BORCS5: variants seen among roughly 807,000 people sequenced by gnomAD.
BORCS5 encodes BLOC-1 related complex subunit 5.
In BORCS5, 17 loss-of-function variants were observed where a neutral mutation model predicts 22.1. The ratio of observed to expected loss-of-function variants is 0.77; its 90% CI spans 0.53 to 1.15. BORCS5 has a LOEUF of 1.15. Ranked by LOEUF, BORCS5 falls within the 50% of genes most tolerant of loss-of-function variation. BORCS5 has a pLI of 0.00. For synonymous variants in BORCS5, 117 were observed against 99.8 expected (o/e 1.17, Z -1.03); for missense variants, 247 against 253.2 (o/e 0.98, Z 0.17).
Position 12,466,098 on chromosome 12 carries a change from G to A in BORCS5, c.*322G>A. On this transcript the variant is annotated 3_prime_UTR_variant, in exon 4 of 4. Coordinates refer to ENST00000314565, the MANE Select transcript of BORCS5 (RefSeq NM_058169.6). ...TTTTTTTTTTAATTGAGAGTATATA[G>A]TCCAGTCCAGGTACCGGAATAAAAA... 8.9e-6 allele frequency: 2 copies of A among 223,688 alleles called. No homozygotes were observed. Among genetic ancestry groups the A allele is most frequent in the South Asian group, 1.1e-4 (1 of 9,150 alleles). 13.9% of individuals were successfully genotyped at this position (223,688 alleles called of 1,614,324 possible).
chr12:12,395,803 G>T (rs974218853), intron 2 of BORCS5, among the ~76,000 whole-genome samples: 9 of 152,046 alleles, frequency 5.9e-5, no homozygotes, highest in African/African-American at 2.2e-4. Flanking sequence ...TCCTAGTGAT[G>T]AGCTGATGAA....
At chr12:12,399,574 G>T (rs1413982774) in intron 2 of BORCS5, among the ~76,000 whole-genome samples, 1 of 152,146 alleles carries the variant, frequency 6.6e-6, no homozygotes, top group Non-Finnish European at 1.5e-5. Flanking sequence ...GATTTTACAT[G>T]GCATTGTTAA....
chr12:12,365,493 A>C (rs1863387497), intron 2 of BORCS5, among the ~76,000 whole-genome samples: 1 of 152,060 alleles, frequency 6.6e-6, no homozygotes, highest in South Asian at 2.1e-4. Context: ...GTTTCAAAAA[A>C]TACTATAGAA....
intron 2 of BORCS5, among the ~76,000 whole-genome samples, chr12:12,427,481 G>A (rs376296549): frequency 6.6e-6 from 1 of 152,120 alleles, no homozygotes; most frequent in South Asian, 2.1e-4. Context: ...CGCCCGGCCA[G>A]ACTTTCCCTT....
In BORCS5 at chr12:12,435,620, CT is replaced by C. The variant is rs746979744; in HGVS notation, c.203-5del. On this transcript the variant is annotated splice_polypyrimidine_tract_variant and splice_region_variant and intron_variant, in intron 2 of 3. Coordinates refer to ENST00000314565, the MANE Select transcript of BORCS5 (RefSeq NM_058169.6). The stretch of plus-strand genomic sequence containing the variant: ...TTTAATTTCATTTCATTTTTTTCTC[CT>C]TTGAAGGGCTATTGAGTGGCCAGAC... 1.9e-6 allele frequency: 3 copies of C among 1,599,086 alleles called. No homozygotes were observed. In the East Asian group the frequency reaches 6.7e-5, roughly 36 times the overall value.
At chr12:12,442,117 G>A (rs1415725300) in intron 3 of BORCS5, among the ~76,000 whole-genome samples, 4 of 152,232 alleles carry the variant, frequency 2.6e-5, no homozygotes, top group Admixed American at 6.5e-5. Flanking sequence ...GATGAGGCTG[G>A]TGGCAAATAC....
intron 3 of BORCS5, among the ~76,000 whole-genome samples, chr12:12,453,903 G>C (rs967953617): frequency 1.3e-5 from 2 of 152,114 alleles, no homozygotes; most frequent in African/African-American, 2.4e-5. Flanking sequence ...TTGCCTGTTG[G>C]GGGTATTTCA....
intron 2 of BORCS5, among the ~76,000 whole-genome samples, chr12:12,389,074 A>C: frequency 6.6e-6 from 1 of 150,752 alleles, no homozygotes; most frequent in East Asian, 1.9e-4. Flanking sequence ...TTCATATAGA[A>C]AGTACCAGAT....
At chr12:12,385,023 C>CAG (rs1863851517) in intron 2 of BORCS5, among the ~76,000 whole-genome samples, 2 of 151,264 alleles carry the variant, frequency 1.3e-5, no homozygotes, top group African/African-American at 4.9e-5. Flanking sequence ...CCACCTTGAT[C>CAG]AGGAAGGCTT....
At chr12:12,436,705 G>A (rs564750682) in intron 3 of BORCS5, among the ~76,000 whole-genome samples, 3 of 152,298 alleles carry the variant, frequency 2.0e-5, no homozygotes, top group Admixed American at 6.5e-5. Flanking sequence ...TTTGTATTTA[G>A]CAATGGAGGT....
intron 2 of BORCS5, among the ~76,000 whole-genome samples, chr12:12,375,491 G>A (rs1350550533): frequency 6.6e-6 from 1 of 152,172 alleles, no homozygotes; most frequent in Admixed American, 6.5e-5. Context: ...ATGGTGGCAT[G>A]TGCTGGTAAT....
At chr12:12,448,177 A>G (rs1235458357) in intron 3 of BORCS5, among the ~76,000 whole-genome samples, 1 of 151,244 alleles carries the variant, frequency 6.6e-6, no homozygotes, top group Non-Finnish European at 1.5e-5. Context: ...CTTCCTTTCC[A>G]CCTCTTTGTC....
chr12:12,424,829 A>C (rs559965840), intron 2 of BORCS5, among the ~76,000 whole-genome samples: 1 of 152,068 alleles, frequency 6.6e-6, no homozygotes, highest in Non-Finnish European at 1.5e-5. Context: ...GCAACTTTCT[A>C]ATTTCCCCTA....
At chr12:12,363,398 A>G (rs969285420) in intron 2 of BORCS5, among the ~76,000 whole-genome samples, 6 of 151,954 alleles carry the variant, frequency 3.9e-5, no homozygotes, top group Non-Finnish European at 7.4e-5. Context: ...TTAGGAGATC[A>G]ATACCAGCCT....
intron 2 of BORCS5, among the ~76,000 whole-genome samples, chr12:12,434,281 C>CA (rs139357200): frequency 0.022 from 1,688 of 76,148 alleles, 20 homozygotes; most frequent in Non-Finnish European, 0.028. Flanking sequence ...GACTCTGTCT[C>CA]AAAAAAAAAA....
chr12:12,385,214 A>C (rs1266632040), intron 2 of BORCS5, among the ~76,000 whole-genome samples: 1 of 151,534 alleles, frequency 6.6e-6, no homozygotes, highest in Non-Finnish European at 1.5e-5. Flanking sequence ...CTGCAAATGC[A>C]TACAGCCTTA....
rs533719127 is a variant in BORCS5, at chr12:12,405,189, A to T, written c.203-30439A>T. On this transcript the variant is annotated intron_variant, in intron 2 of 3. Transcript: ENST00000314565. The stretch of plus-strand genomic sequence containing the variant: ...AGACAACCCATAAAGGTAAAGATTT[A>T]GTCATAAATGAGCTGTGTTGCTACT... Among the ~76,000 whole-genome samples, 166 of 152,348 alleles carry T rather than the reference A, an allele frequency of 1.1e-3. 1 individual carries two copies. The highest frequency in any genetic ancestry group is 3.4e-3 in the African/African-American group (143 of 41,578).
At chr12:12,416,714 G>A (rs997138245) in intron 2 of BORCS5, among the ~76,000 whole-genome samples, 7 of 151,298 alleles carry the variant, frequency 4.6e-5, no homozygotes, top group African/African-American at 7.3e-5. Context: ...TTCCACCTCC[G>A]CCTACTGAGT....
At chr12:12,381,116 G>T (rs1414324803) in intron 2 of BORCS5, among the ~76,000 whole-genome samples, 1 of 149,352 alleles carries the variant, frequency 6.7e-6, no homozygotes, top group African/African-American at 2.5e-5. Context: ...GGTTCAAGCA[G>T]TTCTCCTGCC....
Sources: gnomAD v4.1 joint callset for allele counts (sites outside exome capture counted in the v4.1 genomes callset) on GRCh38, gnomAD v4.1.1 for gene constraint, MANE v1.5 for transcripts, NCBI Gene and HGNC (gene_info 2026-07-23, HGNC 2026-07-21) for gene names.